Variants in GRIK1 observed in about 807,000 individuals in gnomAD.
The protein encoded by GRIK1 is glutamate ionotropic receptor kainate type subunit 1.
Under a neutral mutation model 105.7 loss-of-function variants are expected in GRIK1, and 69 were observed. That is an observed-to-expected ratio of 0.65 (90% confidence interval 0.54 to 0.80). The LOEUF (loss-of-function observed/expected upper bound fraction) is 0.80. Among genes scored for constraint, GRIK1 ranks in the 30% least tolerant of loss-of-function variants. The pLI is 0.00. For missense variants in GRIK1, 1,109 were observed against 1,167.3 expected, an observed-to-expected ratio of 0.95 and a Z score of 0.73; for synonymous variants, 438 against 431.3, an observed-to-expected ratio of 1.02 and a Z score of -0.19.
intron 1 of GRIK1, among the ~76,000 whole-genome samples, chr21:29,913,006 C>T (rs117012342): frequency 1.7e-3 from 259 of 152,170 alleles, no homozygotes; most frequent in Middle Eastern, 0.01. Flanking sequence ...CATTACATGA[C>T]GTACTTAATA....
At chr21:29,745,692 T>C (rs2065031665) in intron 1 of GRIK1, among the ~76,000 whole-genome samples, 1 of 152,226 alleles carries the variant, frequency 6.6e-6, no homozygotes, top group African/African-American at 2.4e-5. Context: ...AGCCTGAATC[T>C]GGTATTTTGT....
At chr21:29,697,072 G>C (rs1276446757) in intron 1 of GRIK1, among the ~76,000 whole-genome samples, 1 of 152,158 alleles carries the variant, frequency 6.6e-6, no homozygotes, top group African/African-American at 2.4e-5. Flanking sequence ...TCACAGTCTT[G>C]TCTGGGACTG....
chr21:29,786,868 T>C (rs984060782), intron 1 of GRIK1, among the ~76,000 whole-genome samples: 1 of 152,218 alleles, frequency 6.6e-6, no homozygotes, highest in Non-Finnish European at 1.5e-5. Flanking sequence ...AGCCTTCAGA[T>C]AAGAGTGTCT....
intron 1 of GRIK1, among the ~76,000 whole-genome samples, chr21:29,767,883 TGTG>T: frequency 6.6e-6 from 1 of 151,546 alleles, no homozygotes; most frequent in African/African-American, 2.4e-5. Context: ...TGTGTGTGTG[TGTG>T]TGTGTGTGTG....
intron 1 of GRIK1, among the ~76,000 whole-genome samples, chr21:29,852,436 C>T (rs2068337767): frequency 6.6e-6 from 1 of 152,164 alleles, no homozygotes; most frequent in South Asian, 2.1e-4. Context: ...TGCAGACTTC[C>T]TTCATCCTGC....
chr21:29,889,072 T>C (rs1302944371), intron 1 of GRIK1, among the ~76,000 whole-genome samples: 1 of 152,172 alleles, frequency 6.6e-6, no homozygotes, highest in South Asian at 2.1e-4. Flanking sequence ...TCTTAGAATA[T>C]GGAAATTGGA....
intron 14 of GRIK1, among the ~76,000 whole-genome samples, chr21:29,564,629 T>C (rs2090569913): frequency 6.6e-6 from 1 of 152,170 alleles, no homozygotes; most frequent in Admixed American, 6.5e-5. Context: ...ACGATTCAAC[T>C]CTAAACCTAA....
At chr21:29,932,990 C>A (rs950790241) in intron 1 of GRIK1, among the ~76,000 whole-genome samples, 8 of 150,536 alleles carry the variant, frequency 5.3e-5, no homozygotes, top group African/African-American at 1.7e-4. Context: ...AATGGTAAAC[C>A]TTTAGAATAG....
At chr21:29,551,106 GA>G (rs1337828361) in intron 16 of GRIK1, among the ~76,000 whole-genome samples, 2 of 152,200 alleles carry the variant, frequency 1.3e-5, no homozygotes, top group Non-Finnish European at 2.9e-5. Context: ...ATGCTGTGGG[GA>G]AAAAAATCTG....
At chr21:29,768,923 C>T (rs971142366) in intron 1 of GRIK1, among the ~76,000 whole-genome samples, 20 of 152,306 alleles carry the variant, frequency 1.3e-4, no homozygotes, top group African/African-American at 4.8e-4. Flanking sequence ...ACCGTGTTTA[C>T]TTCAAAATGT....
intron 4 of GRIK1, among the ~76,000 whole-genome samples, chr21:29,656,944 T>A (rs2062866037): frequency 6.6e-6 from 1 of 152,128 alleles, no homozygotes; most frequent in African/African-American, 2.4e-5. Context: ...ACTCCTACGG[T>A]GACAACAAGA....
intron 1 of GRIK1, among the ~76,000 whole-genome samples, chr21:29,705,873 C>CTTTTTTTTTTT (rs1325677911): frequency 4.4e-5 from 6 of 135,728 alleles, no homozygotes; most frequent in African/African-American, 5.3e-5. Context: ...CTTTTCTTTT[C>CTTTTTTTTTTT]TTTTTTTTTT....
intron 7 of GRIK1, among the ~76,000 whole-genome samples, chr21:29,639,825 C>T (rs184867654): frequency 4.0e-4 from 61 of 152,274 alleles, no homozygotes; most frequent in African/African-American, 1.4e-3. Context: ...AATGTATAAT[C>T]TCCTAGCATG....
chr21:29,613,154 G>A (rs1184660222), intron 7 of GRIK1, among the ~76,000 whole-genome samples: 1 of 152,162 alleles, frequency 6.6e-6, no homozygotes, highest in African/African-American at 2.4e-5. Context: ...CCGAGTGGAA[G>A]CCTAACAAAA....
chr21:29,708,294 C>T (rs2063964950), intron 1 of GRIK1, among the ~76,000 whole-genome samples: 4 of 152,108 alleles, frequency 2.6e-5, no homozygotes, highest in African/African-American at 9.7e-5. Context: ...CTTGTTCCTC[C>T]TGTCTTTTGC....
chr21:29,751,417 G>C (rs367671082), intron 1 of GRIK1, among the ~76,000 whole-genome samples: 2 of 152,238 alleles, frequency 1.3e-5, no homozygotes, highest in African/African-American at 4.8e-5. Flanking sequence ...TGGTGGCACT[G>C]GACCTTTTTT....
At chr21:29,547,143 A>T (rs2146103994) in intron 16 of GRIK1, among the ~76,000 whole-genome samples, 1 of 152,320 alleles carries the variant, frequency 6.6e-6, no homozygotes, top group South Asian at 2.1e-4. Flanking sequence ...TAGGCTCATT[A>T]AGGTCAAGAA....
intron 1 of GRIK1, among the ~76,000 whole-genome samples, chr21:29,704,209 C>T (rs574519135): frequency 6.6e-6 from 1 of 152,244 alleles, no homozygotes; most frequent in South Asian, 2.1e-4. Flanking sequence ...ATGAAAGATG[C>T]TTGGTTCCTG....
chr21:29,762,422 C>G (rs2065551040), intron 1 of GRIK1, among the ~76,000 whole-genome samples: 1 of 152,170 alleles, frequency 6.6e-6, no homozygotes, highest in African/African-American at 2.4e-5. Context: ...TCTCATTCTG[C>G]AAATTGTGAG....
Sources: allele counts gnomAD v4.1 joint callset (sites outside exome capture counted in the v4.1 genomes callset), GRCh38; gene constraint gnomAD v4.1.1; transcripts MANE v1.5; gene names NCBI Gene and HGNC (gene_info 2026-07-23, HGNC 2026-07-21).